Variants in ABCA12 observed in about 807,000 individuals in gnomAD.
ABCA12 encodes ATP binding cassette subfamily A member 12.
In ABCA12, 156 loss-of-function variants were observed where a neutral mutation model predicts 293.5. The ratio of observed to expected loss-of-function variants is 0.53; its 90% confidence interval spans 0.47 to 0.61. The LOEUF (loss-of-function observed/expected upper bound fraction) is 0.61, where lower values mean the gene tolerates loss of function less well. Ranked by LOEUF, ABCA12 falls within the 20% of genes least tolerant of loss-of-function variation. ABCA12 has a pLI of 0.00. For synonymous variants in ABCA12, 1,063 were observed against 1,108.0 expected, an observed-to-expected ratio of 0.96 and a Z score of 0.81; for missense variants, 2,797 against 3,090.2, an observed-to-expected ratio of 0.91 and a Z score of 2.25.
intron 2 of ABCA12, among the ~76,000 whole-genome samples, chr2:215,066,074 G>A (rs1199399388): frequency 6.6e-6 from 1 of 152,078 alleles, no homozygotes; most frequent in Non-Finnish European, 1.5e-5. Flanking sequence ...AAAATAGAGA[G>A]TAGCTGCTAA....
intron 3 of ABCA12, among the ~76,000 whole-genome samples, chr2:215,056,966 A>G (rs1559170732): frequency 6.6e-6 from 1 of 152,156 alleles, no homozygotes; most frequent in East Asian, 1.9e-4. Context: ...CTTAGTGCAC[A>G]CTTATTTCAT....
At chr2:214,966,784 T>G (rs770739414) in intron 39 of ABCA12, 64 bp downstream of exon 39, 229 of 1,440,126 alleles carry the variant, frequency 1.6e-4, no homozygotes, top group South Asian at 7.7e-4. Context: ...GGATATAAAG[T>G]GCATTTTTAT....
chr2:214,951,152 G>C, intron 44 of ABCA12, 69 bp from the exon 45 acceptor site: 1 of 1,407,028 alleles, frequency 7.1e-7, no homozygotes, highest in Non-Finnish European at 1.0e-6. Flanking sequence ...GACATGTTTT[G>C]ATGGGTTTTC....
intron 1 of ABCA12, among the ~76,000 whole-genome samples, chr2:215,121,781 G>T (rs1702809742): frequency 6.6e-6 from 1 of 152,134 alleles, no homozygotes; most frequent in Non-Finnish European, 1.5e-5. Context: ...AGTCTCATGA[G>T]ATCTGATGGT....
intron 9 of ABCA12, among the ~76,000 whole-genome samples, chr2:215,027,799 C>T (rs1479030619): frequency 1.3e-5 from 2 of 152,126 alleles, no homozygotes; most frequent in Admixed American, 1.3e-4. Context: ...GATTTGAATT[C>T]ATTTAATTTT....
intron 23 of ABCA12, among the ~76,000 whole-genome samples, chr2:214,992,946 A>T (rs1056068650): frequency 6.6e-6 from 1 of 152,194 alleles, no homozygotes; most frequent in African/African-American, 2.4e-5. Context: ...AAAATCAAGG[A>T]TAGTCAATGC....
intron 23 of ABCA12, among the ~76,000 whole-genome samples, chr2:214,992,165 G>A (rs189141234): frequency 1.3e-3 from 200 of 152,112 alleles, no homozygotes; most frequent in African/African-American, 4.5e-3. Context: ...AATGAGGGCC[G>A]ATCACGGTGG....
At chr2:214,978,082 C>T (rs983567259) in intron 33 of ABCA12, among the ~76,000 whole-genome samples, 13 of 152,016 alleles carry the variant, frequency 8.6e-5, no homozygotes, top group Non-Finnish European at 8.8e-5. Flanking sequence ...ATACTCATCA[C>T]CATGCTATCA....
intron 52 of ABCA12, 65 bp from the exon 53 acceptor site, chr2:214,932,806 TC>T: frequency 4.6e-6 from 2 of 433,288 alleles, no homozygotes; most frequent in Non-Finnish European, 7.3e-6. Context: ...TAAAGTTAAT[TC>T]ATTCTCTCTC....
intron 45 of ABCA12, among the ~76,000 whole-genome samples, chr2:214,949,537 C>T (rs956502392): frequency 1.3e-5 from 2 of 152,134 alleles, no homozygotes; most frequent in Admixed American, 6.6e-5. Flanking sequence ...ATCACAACTT[C>T]ACTGAATAAA....
rs1698657161 is a variant in ABCA12 at position 214,948,656 on chromosome 2, C to T, written c.7044G>A (p.Val2348=). 2.5e-6 allele frequency: 4 copies of T among 1,614,022 alleles called. No individual in the cohort carries two copies. Among genetic ancestry groups the T allele is most frequent in the Non-Finnish European group, 3.4e-6 (4 of 1,179,962 alleles). ...TGGCATAGAAATACAAATGTTCTTC[C>T]ACAGTTACCAGGTCATCTAAGGCAT... ...QEDALDDLVT[V]EEHLYFYARV... Residue 2348 remains valine (V), a synonymous_variant, in exon 47 of 53, where the codon GTG becomes GTA. Transcript: ENST00000272895.
chr2:215,052,613 T>C (rs1179480794), intron 4 of ABCA12, 29 bp from the exon 5 acceptor site: 1 of 1,540,820 alleles, frequency 6.5e-7, no homozygotes, highest in African/African-American at 1.4e-5. Context: ...CAGATTAGCA[T>C]TCCACACACA....
At chr2:215,132,156 C>G (rs529325605) in intron 1 of ABCA12, among the ~76,000 whole-genome samples, 5 of 152,082 alleles carry the variant, frequency 3.3e-5, no homozygotes, top group Admixed American at 6.5e-5. Flanking sequence ...TTTGGACAAG[C>G]ATACAGTTAA....
chr2:215,094,945 T>A (rs983847337), intron 2 of ABCA12, among the ~76,000 whole-genome samples: 1 of 152,172 alleles, frequency 6.6e-6, no homozygotes, highest in Non-Finnish European at 1.5e-5. Context: ...CCTCTGTGGC[T>A]TCTCCACCTA....
At chr2:215,030,195 C>T (rs1700841532) in intron 9 of ABCA12, 1 of 152,158 alleles carries the variant, frequency 6.6e-6, no homozygotes, top group South Asian at 2.1e-4. Context: ...TGCCTCAAGG[C>T]TCTCATAAAA....
intron 19 of ABCA12, among the ~76,000 whole-genome samples, chr2:215,007,333 AGTTTAATG>A (rs1231885881): frequency 6.6e-6 from 1 of 152,256 alleles, no homozygotes; most frequent in Non-Finnish European, 1.5e-5. Flanking sequence ...GAATTCCCCA[AGTTTAATG>A]TTCTCTAGCC....
chr2:214,997,055 T>G (rs1700050374), intron 23 of ABCA12, among the ~76,000 whole-genome samples: 1 of 152,212 alleles, frequency 6.6e-6, no homozygotes, highest in South Asian at 2.1e-4. Flanking sequence ...TAAGATATTT[T>G]GGATTTGGGG....
chr2:215,088,877 G>C (rs368230276), intron 2 of ABCA12, among the ~76,000 whole-genome samples: 4 of 152,028 alleles, frequency 2.6e-5, no homozygotes, highest in Non-Finnish European at 4.4e-5. Context: ...TAGCAAAAAA[G>C]GGTTAATTTT....
chr2:215,105,390 T>C (rs1702443864), intron 2 of ABCA12, among the ~76,000 whole-genome samples: 1 of 151,990 alleles, frequency 6.6e-6, no homozygotes, highest in African/African-American at 2.4e-5. Flanking sequence ...GTGGAGGACA[T>C]TCAGACACCT....
Sources: allele counts gnomAD v4.1 joint callset (sites outside exome capture counted in the v4.1 genomes callset), GRCh38; gene constraint gnomAD v4.1.1; transcripts MANE v1.5; gene names NCBI Gene and HGNC (gene_info 2026-07-23, HGNC 2026-07-21).